The following KCNQ3 variants were observed in gnomAD, a reference collection of about 807,000 sequenced individuals.
KCNQ3 encodes potassium voltage-gated channel subfamily KQT member 3.
A neutral mutation model predicts 92.5 loss-of-function variants in KCNQ3; 30 were observed. The observed-to-expected ratio is 0.32, with a 90% CI of 0.24 to 0.44. KCNQ3 has a LOEUF of 0.44. Among genes scored for constraint, KCNQ3 ranks in the 20% least tolerant of loss-of-function variants. The probability of loss-of-function intolerance (pLI) is 1.00; values close to 1 mark genes in which losing one functional copy is unlikely to be tolerated. For missense variants in KCNQ3, 913 were observed against 1,140.3 expected (o/e 0.80, Z 2.87); for synonymous variants, 450 against 468.8 (o/e 0.96, Z 0.52).
intron 1 of KCNQ3, among the ~76,000 whole-genome samples, chr8:132,191,525 T>C (rs1827159149): frequency 6.7e-6 from 1 of 149,576 alleles, no homozygotes; most frequent in Non-Finnish European, 1.5e-5. Flanking sequence ...TCTCTCTCTA[T>C]ATATATATAT....
At chr8:132,266,687 G>C (rs745529710) in intron 1 of KCNQ3, among the ~76,000 whole-genome samples, 2 of 152,118 alleles carry the variant, frequency 1.3e-5, no homozygotes. Flanking sequence ...GCTGCATCAC[G>C]ATCTCTGAAG....
At chr8:132,187,720 A>G (rs1455240458) in intron 1 of KCNQ3, among the ~76,000 whole-genome samples, 48 of 120,818 alleles carry the variant, frequency 4.0e-4, no homozygotes, top group Admixed American at 1.1e-3. Flanking sequence ...GGTGGTGGTG[A>G]TGGTGGTGAT....
intron 1 of KCNQ3, among the ~76,000 whole-genome samples, chr8:132,251,979 T>C (rs1815426113): frequency 6.6e-6 from 1 of 152,230 alleles, no homozygotes; most frequent in Non-Finnish European, 1.5e-5. Context: ...TCTGGATCCT[T>C]CTTAGACAAT....
intron 1 of KCNQ3, among the ~76,000 whole-genome samples, chr8:132,394,701 CAAGGACT>C (rs1820147425): frequency 6.6e-6 from 1 of 152,044 alleles, no homozygotes; most frequent in Non-Finnish European, 1.5e-5. Flanking sequence ...GGGAGAAGTT[CAAGGACT>C]TCCCAGATCA....
intron 1 of KCNQ3, among the ~76,000 whole-genome samples, chr8:132,257,104 G>C (rs1815614308): frequency 6.6e-6 from 1 of 152,124 alleles, no homozygotes; most frequent in Non-Finnish European, 1.5e-5. Context: ...GTAGCACAAA[G>C]AAGAGAAGAG....
chr8:132,148,217 T>C (rs1439272197), intron 9 of KCNQ3, among the ~76,000 whole-genome samples: 1 of 152,176 alleles, frequency 6.6e-6, no homozygotes, highest in Non-Finnish European at 1.5e-5. Context: ...CTTCCTTAAA[T>C]GGTATAAACA....
chr8:132,466,754 T>A (rs1402801257), intron 1 of KCNQ3, among the ~76,000 whole-genome samples: 1 of 152,066 alleles, frequency 6.6e-6, no homozygotes, highest in African/African-American at 2.4e-5. Context: ...GAGGATAGAG[T>A]GAAAAAATCT....
rs558204462 is a variant in KCNQ3, at chr8:132,441,576, C to A, written c.386+38571G>T. ...CTCCAAAAAAACAAAAATCAAAAAA[C>A]AAAACAAAACAAACAAACAAACAAA... is the stretch of plus-strand genomic sequence containing the variant. On this transcript the variant is annotated intron_variant, in intron 1 of 14. Transcript: ENST00000388996. 3.2e-5 allele frequency among the ~76,000 whole-genome samples: 4 copies of A among 125,752 alleles called. No homozygotes were observed. The South Asian group carries it at 7.9e-4, about 25-fold the overall frequency. 82.5% of individuals were successfully genotyped at this position (125,752 alleles called of 152,430 possible).
chr8:132,203,096 G>A (rs1372133197), intron 1 of KCNQ3, among the ~76,000 whole-genome samples: 1 of 152,152 alleles, frequency 6.6e-6, no homozygotes, highest in African/African-American at 2.4e-5. Flanking sequence ...GAGAAAGAGA[G>A]CAAGAGAGGG....
At chr8:132,135,911 G>C (rs1825067558) in intron 12 of KCNQ3, among the ~76,000 whole-genome samples, 1 of 151,868 alleles carries the variant, frequency 6.6e-6, no homozygotes, top group Admixed American at 6.6e-5. Flanking sequence ...CCTGAGGTCA[G>C]AAGTTCGAGA....
At chr8:132,172,344 C>T (rs1196253583) in intron 7 of KCNQ3, among the ~76,000 whole-genome samples, 1 of 151,014 alleles carries the variant, frequency 6.6e-6, no homozygotes, top group African/African-American at 2.4e-5. Flanking sequence ...CTCCCCATAG[C>T]CATCCACAAG....
chr8:132,177,160 C>A (rs75181541), intron 4 of KCNQ3, among the ~76,000 whole-genome samples: 7,776 of 152,296 alleles, frequency 0.051, 310 homozygotes, highest in Non-Finnish European at 0.074. Context: ...TTAACCAAAT[C>A]AACAGTTGTC....
At chr8:132,469,266 G>A (rs1203620751) in intron 1 of KCNQ3, among the ~76,000 whole-genome samples, 1 of 152,198 alleles carries the variant, frequency 6.6e-6, no homozygotes, top group Non-Finnish European at 1.5e-5. Context: ...TCTGTGCATG[G>A]GCAGATGCTT....
At position 132,480,150 on chromosome 8, in the gene KCNQ3, A is replaced by G; in HGVS notation, c.383T>C (p.Leu128Ser). Residue 128 changes from leucine (L) to serine (S), a missense_variant, in exon 1 of 15, where the codon TTG becomes TCG. By Grantham distance (145) the Leu-to-Ser change is moderately radical. Transcript: ENST00000388996. ...PRGWALLYHALVFLIVLGCLI... is the reference protein window; with the variant it reads ...PRGWALLYHASVFLIVLGCLI... Reference sequence around the variant, plus strand: ...CCCCGAGCGGCCGGGTACTCACACCAACGCGTGGTAAAGCAGCGCCCAGCC... The same window carrying G: ...CCCCGAGCGGCCGGGTACTCACACCGACGCGTGGTAAAGCAGCGCCCAGCC... 1 of 1,609,410 alleles carries G rather than the reference A, an allele frequency of 6.2e-7. No individual in the cohort carries two copies. Among genetic ancestry groups the G allele is most frequent in the Non-Finnish European group, 8.5e-7 (1 of 1,177,962 alleles).
chr8:132,383,885 C>T (rs1819823388), intron 1 of KCNQ3, among the ~76,000 whole-genome samples: 2 of 152,204 alleles, frequency 1.3e-5, no homozygotes, highest in Non-Finnish European at 1.5e-5. Context: ...GGCAGGTAAC[C>T]TCTCTGGGTC....
At chr8:132,240,889 A>ATT (rs34829586) in intron 1 of KCNQ3, among the ~76,000 whole-genome samples, 149 of 149,840 alleles carry the variant, frequency 9.9e-4, no homozygotes, top group South Asian at 3.8e-3. Context: ...GCTAGCTACA[A>ATT]TTTTTTTTTT....
chr8:132,394,241 G>T (rs1820131742), intron 1 of KCNQ3, among the ~76,000 whole-genome samples: 1 of 152,188 alleles, frequency 6.6e-6, no homozygotes, highest in Non-Finnish European at 1.5e-5. Flanking sequence ...AAATGCAAAG[G>T]TTGGGGGAGT....
chr8:132,271,771 G>T (rs1487782326), intron 1 of KCNQ3, among the ~76,000 whole-genome samples: 1 of 152,158 alleles, frequency 6.6e-6, no homozygotes, highest in Non-Finnish European at 1.5e-5. Flanking sequence ...TTCCTTTTCT[G>T]GATGTGGAAA....
At chr8:132,217,396 T>C (rs1281995955) in intron 1 of KCNQ3, among the ~76,000 whole-genome samples, 15 of 152,094 alleles carry the variant, frequency 9.9e-5, no homozygotes, top group Admixed American at 9.8e-4. Flanking sequence ...TCTACCTCAT[T>C]GAGGTAAAGG....
Sources: allele counts gnomAD v4.1 joint callset (sites outside exome capture counted in the v4.1 genomes callset), GRCh38; gene constraint gnomAD v4.1.1; transcripts MANE v1.5; gene names NCBI Gene and HGNC (gene_info 2026-07-23, HGNC 2026-07-21).